Variants in PPP2R2B observed in about 807,000 individuals in gnomAD.
The protein encoded by PPP2R2B is serine/threonine-protein phosphatase 2A 55 kDa regulatory subunit B beta isoform.
Under a neutral mutation model 46.0 loss-of-function variants are expected in PPP2R2B, and 5 were observed. The observed-to-expected ratio is 0.11, with a 90% confidence interval of 0.06 to 0.23. The LOEUF is 0.23. Ranked by LOEUF, PPP2R2B falls within the 10% of genes least tolerant of loss-of-function variation. The probability of loss-of-function intolerance (pLI) is 1.00; values close to 1 mark genes in which losing one functional copy is unlikely to be tolerated. For synonymous variants in PPP2R2B, 215 were observed against 206.7 expected (o/e 1.04, Z -0.34); for missense variants, 367 against 575.0 (o/e 0.64, Z 3.70).
At chr5:146,619,079 T>C (rs1412609329) in intron 7 of PPP2R2B, among the ~76,000 whole-genome samples, 5 of 152,086 alleles carry the variant, frequency 3.3e-5, no homozygotes, top group African/African-American at 7.2e-5. Flanking sequence ...AAATGCTCCA[T>C]TGAGGTCTGA....
intron 2 of PPP2R2B, among the ~76,000 whole-genome samples, chr5:146,804,543 T>G (rs1757060179): frequency 6.6e-6 from 1 of 152,302 alleles, no homozygotes; most frequent in East Asian, 1.9e-4. Flanking sequence ...AGAGCCAGGG[T>G]TGTGACTTGT....
chr5:146,907,688 T>C (rs1357981501), intron 1 of PPP2R2B, among the ~76,000 whole-genome samples: 1 of 152,242 alleles, frequency 6.6e-6, no homozygotes, highest in Non-Finnish European at 1.5e-5. Context: ...ATGCTGTTGA[T>C]TTGTCAAGGC....
At chr5:146,915,624 CAGAGTT>C (rs1427493160) in intron 1 of PPP2R2B, among the ~76,000 whole-genome samples, 1 of 152,156 alleles carries the variant, frequency 6.6e-6, no homozygotes, top group African/African-American at 2.4e-5. Flanking sequence ...CACTCAGGTG[CAGAGTT>C]AGAGAAAGAA....
At chr5:147,033,468 A>G (rs933244775) in intron 1 of PPP2R2B, among the ~76,000 whole-genome samples, 3 of 152,188 alleles carry the variant, frequency 2.0e-5, no homozygotes, top group African/African-American at 7.2e-5. Flanking sequence ...TTAGTCTAGA[A>G]CATAGTAACA....
rs142115331 is a variant in PPP2R2B at position 146,587,810 on chromosome 5, C to G, written c.*2137G>C. On this transcript the variant is annotated 3_prime_UTR_variant, in exon 10 of 10. Coordinates refer to ENST00000394411, the MANE Select transcript of PPP2R2B (RefSeq NM_181675.4). ...ATGCATATTATTTCTTTGGAGGAGG[C>G]TAAGTCTTGCTTTTAAGAAAAGGTG... The G allele has an allele frequency of 1.6e-4, 25 of 152,228 alleles. No homozygotes were observed. The East Asian group carries it at 4.6e-3, about 28-fold the overall frequency. 9.4% of individuals were successfully genotyped at this position (152,228 alleles called of 1,614,324 possible). A position where few individuals can be genotyped will look rare whatever the true frequency, so the allele number is the denominator to read the frequency against.
chr5:146,608,327 G>A (rs916567232), intron 7 of PPP2R2B, among the ~76,000 whole-genome samples: 3 of 152,114 alleles, frequency 2.0e-5, no homozygotes, highest in Admixed American at 6.5e-5. Context: ...GATGGTACAT[G>A]GAATGAACTT....
chr5:146,952,612 A>G (rs888682313), intron 1 of PPP2R2B, among the ~76,000 whole-genome samples: 1 of 152,104 alleles, frequency 6.6e-6, no homozygotes, highest in African/African-American at 2.4e-5. Context: ...TGAACTACCT[A>G]TGTTCTGCCA....
chr5:146,787,681 C>T (rs1301562725), intron 2 of PPP2R2B, among the ~76,000 whole-genome samples: 1 of 152,112 alleles, frequency 6.6e-6, no homozygotes, highest in Non-Finnish European at 1.5e-5. Context: ...GATTATCTTG[C>T]CTCAGCCTCC....
chr5:146,770,355 A>AAAAT (rs1368760298), intron 2 of PPP2R2B, among the ~76,000 whole-genome samples: 49 of 132,664 alleles, frequency 3.7e-4, no homozygotes, highest in African/African-American at 1.3e-3. Flanking sequence ...AAAAAAAAAA[A>AAAAT]GAATGAAGAA....
At chr5:147,017,968 C>T (rs1242806132) in intron 1 of PPP2R2B, among the ~76,000 whole-genome samples, 2 of 151,532 alleles carry the variant, frequency 1.3e-5, no homozygotes, top group African/African-American at 4.9e-5. Context: ...AAAGACAGGA[C>T]CATGTAGTTT....
intron 2 of PPP2R2B, among the ~76,000 whole-genome samples, chr5:146,731,789 C>T (rs115191036): frequency 0.015 from 2,248 of 152,222 alleles, 62 homozygotes; most frequent in African/African-American, 0.05. Context: ...TTTAGGAAAA[C>T]AACAATGTAA....
chr5:146,877,415 C>T (rs533536295), intron 2 of PPP2R2B, among the ~76,000 whole-genome samples: 1 of 152,280 alleles, frequency 6.6e-6, no homozygotes, highest in South Asian at 2.1e-4. Context: ...CAGCCTCATT[C>T]GCTGCCCGCC....
chr5:146,733,656 G>T (rs186822498), intron 2 of PPP2R2B, among the ~76,000 whole-genome samples: 1 of 152,224 alleles, frequency 6.6e-6, no homozygotes, highest in African/African-American at 2.4e-5. Flanking sequence ...TTGGCAACCA[G>T]TTTGAGAAGG....
At chr5:146,667,579 A>G (rs1281785937) in intron 5 of PPP2R2B, among the ~76,000 whole-genome samples, 1 of 152,064 alleles carries the variant, frequency 6.6e-6, no homozygotes, top group Non-Finnish European at 1.5e-5. Flanking sequence ...TTACTTAAAA[A>G]AAAAACCCAA....
intron 1 of PPP2R2B, among the ~76,000 whole-genome samples, chr5:146,953,747 T>C (rs1338470202): frequency 1.3e-5 from 2 of 152,162 alleles, no homozygotes; most frequent in Non-Finnish European, 2.9e-5. Context: ...TCCCATGAAG[T>C]AGTTATTATT....
At chr5:146,789,344 T>C (rs990333553) in intron 2 of PPP2R2B, among the ~76,000 whole-genome samples, 3 of 152,186 alleles carry the variant, frequency 2.0e-5, no homozygotes, top group African/African-American at 7.2e-5. Context: ...CAGTAACATG[T>C]TCACTATCAT....
chr5:146,832,086 TTG>T (rs1315079005), intron 2 of PPP2R2B, among the ~76,000 whole-genome samples: 1 of 152,154 alleles, frequency 6.6e-6, no homozygotes, highest in South Asian at 2.1e-4. Context: ...TTTTGCATAG[TTG>T]TGTGTTTGTG....
rs144721052 is a variant in PPP2R2B, at chr5:146,974,113, C to T, written c.79+81552G>A. 2.9e-3 allele frequency among the ~76,000 whole-genome samples: 435 copies of T among 152,014 alleles called. 4 individuals carry two copies. Among genetic ancestry groups the T allele is most frequent in the African/African-American group, 9.0e-3 (375 of 41,462 alleles). ...AACTCTTGTAGATCTATTTGGAATC[C>T]GGGCAAGAAAGTATCATTTGAGTTT... On this transcript the variant is annotated intron_variant, in intron 1 of 8. Coordinates refer to the PPP2R2B transcript ENST00000336640.
chr5:146,748,234 G>T (rs571002183), intron 2 of PPP2R2B, among the ~76,000 whole-genome samples: 1 of 152,218 alleles, frequency 6.6e-6, no homozygotes, highest in South Asian at 2.1e-4. Context: ...CCCATGGCTG[G>T]TTGATTTCCA....
Sources: allele counts gnomAD v4.1 joint callset (sites outside exome capture counted in the v4.1 genomes callset), GRCh38; gene constraint gnomAD v4.1.1; transcripts MANE v1.5; gene names NCBI Gene and HGNC (gene_info 2026-07-23, HGNC 2026-07-21).